The following ITGBL1 variants were observed in gnomAD, a reference collection of about 807,000 sequenced individuals.
ITGBL1 encodes integrin subunit beta like 1, also known as integrin beta-like protein 1.
In ITGBL1, 51 loss-of-function variants were observed where a neutral mutation model predicts 68.5. The observed-to-expected ratio is 0.74, with a 90% CI of 0.59 to 0.94. The LOEUF (loss-of-function observed/expected upper bound fraction) is 0.94. Among genes scored for constraint, ITGBL1 ranks in the 40% least tolerant of loss-of-function variants. The pLI is 0.00. For missense variants in ITGBL1, 649 were observed against 647.4 expected (o/e 1.00, Z -0.03); for synonymous variants, 209 against 227.3 (o/e 0.92, Z 0.72).
At chr13:101,675,362 CA>C (rs1327645925) in intron 7 of ITGBL1, among the ~76,000 whole-genome samples, 2 of 151,894 alleles carry the variant, frequency 1.3e-5, no homozygotes, top group Non-Finnish European at 2.9e-5. Context: ...CAAAGACTGT[CA>C]AAAAAATTAT....
chr13:101,665,808 A>G (rs928791327), intron 7 of ITGBL1, among the ~76,000 whole-genome samples: 2 of 152,186 alleles, frequency 1.3e-5, no homozygotes, highest in Admixed American at 6.5e-5. Context: ...TTGCCTAATA[A>G]CAAGAACTAT....
chr13:101,576,600 A>G (rs910501129), intron 4 of ITGBL1, among the ~76,000 whole-genome samples: 12 of 152,154 alleles, frequency 7.9e-5, no homozygotes, highest in African/African-American at 2.7e-4. Flanking sequence ...ACTAGGGCCC[A>G]ATGGGGCCAC....
chr13:101,685,980 G>C (rs1375731498), intron 7 of ITGBL1, among the ~76,000 whole-genome samples: 2 of 152,108 alleles, frequency 1.3e-5, no homozygotes, highest in African/African-American at 2.4e-5. Context: ...CTGGGTTGGG[G>C]TCATTGGAGA....
intron 7 of ITGBL1, among the ~76,000 whole-genome samples, chr13:101,677,368 C>T (rs1192559937): frequency 6.6e-6 from 1 of 152,176 alleles, no homozygotes; most frequent in African/African-American, 2.4e-5. Flanking sequence ...GCTGTTCAGA[C>T]ACTGTACCAC....
chr13:101,710,110 C>T (rs185402484), intron 9 of ITGBL1, among the ~76,000 whole-genome samples: 4 of 152,176 alleles, frequency 2.6e-5, no homozygotes, highest in East Asian at 3.9e-4. Flanking sequence ...TGGGAGGTGG[C>T]GATATATTCA....
intron 7 of ITGBL1, among the ~76,000 whole-genome samples, chr13:101,660,576 C>A (rs2139477376): frequency 6.6e-6 from 1 of 152,224 alleles, no homozygotes; most frequent in South Asian, 2.1e-4. Flanking sequence ...GAATTCAGGT[C>A]CCTCTCATCT....
chr13:101,494,612 C>G (rs2048829073), intron 2 of ITGBL1, among the ~76,000 whole-genome samples: 1 of 152,024 alleles, frequency 6.6e-6, no homozygotes, highest in African/African-American at 2.4e-5. Flanking sequence ...CATATGATGG[C>G]TATAATAGCC....
chr13:101,530,329 ATATAC>A (rs1371451810), intron 2 of ITGBL1, among the ~76,000 whole-genome samples: 3 of 152,170 alleles, frequency 2.0e-5, no homozygotes, highest in East Asian at 3.9e-4. Context: ...AAAGAAAATA[ATATAC>A]TATAGTGATG....
rs114019599 is a variant in ITGBL1 at position 101,678,893 on chromosome 13, A to G, written c.1016-13692A>G. Among the ~76,000 whole-genome samples the G allele has an allele frequency of 7.0e-3, 1,057 of 150,972 alleles. 7 individuals are homozygous for G. The highest frequency in any genetic ancestry group is 0.024 in the African/African-American group (991 of 41,252). On this transcript the variant is annotated intron_variant, in intron 7 of 10. Transcript: ENST00000376180. Reference sequence around the variant, plus strand: ...TCCTTTCTCCTCCCCAAATAAACTCATCTTCAAGAAACACTTTTTTTAATT... The same window carrying G: ...TCCTTTCTCCTCCCCAAATAAACTCGTCTTCAAGAAACACTTTTTTTAATT...
chr13:101,488,200 C>T (rs1594841102), intron 2 of ITGBL1, among the ~76,000 whole-genome samples: 2 of 152,302 alleles, frequency 1.3e-5, no homozygotes, highest in South Asian at 4.1e-4. Flanking sequence ...GTATACAATT[C>T]CAAATGAGGT....
intron 7 of ITGBL1, among the ~76,000 whole-genome samples, chr13:101,632,129 TTCTC>T (rs71125012): frequency 2.1e-4 from 31 of 150,578 alleles, no homozygotes; most frequent in Admixed American, 6.6e-4. Flanking sequence ...GGATAAAATA[TTCTC>T]TCTCTCTCTC....
chr13:101,642,681 G>A (rs1300194732), intron 7 of ITGBL1, among the ~76,000 whole-genome samples: 1 of 151,016 alleles, frequency 6.6e-6, no homozygotes, highest in Non-Finnish European at 1.5e-5. Context: ...TTCTTCCAGG[G>A]TTTTTATGGT....
intron 7 of ITGBL1, among the ~76,000 whole-genome samples, chr13:101,643,632 AT>A (rs1192141107): frequency 6.6e-6 from 1 of 152,118 alleles, no homozygotes; most frequent in Admixed American, 6.5e-5. Flanking sequence ...ATTTTCTCAT[AT>A]GTAATCTTTA....
intron 2 of ITGBL1, among the ~76,000 whole-genome samples, chr13:101,492,226 A>G (rs939005043): frequency 4.6e-5 from 7 of 152,160 alleles, no homozygotes; most frequent in Non-Finnish European, 8.8e-5. Context: ...TGATTCCTCA[A>G]GGATATAGTG....
chr13:101,475,871 C>T (rs2048528943), intron 2 of ITGBL1, among the ~76,000 whole-genome samples: 1 of 152,038 alleles, frequency 6.6e-6, no homozygotes, highest in Non-Finnish European at 1.5e-5. Flanking sequence ...ATCCTTCAAA[C>T]ATAAAGAAGC....
chr13:101,587,385 T>C (rs1046056661), intron 6 of ITGBL1, among the ~76,000 whole-genome samples: 7 of 152,206 alleles, frequency 4.6e-5, no homozygotes, highest in African/African-American at 7.2e-5. Flanking sequence ...ATGACTGTTA[T>C]ACTACACACA....
rs530821105 is a variant in ITGBL1, at chr13:101,667,352, G to T, written c.1016-25233G>T. ...TGACGTTTTTGCTTGCATTGGAAGA[G>T]AAACTCTCTGCTGCAATTGTTCTTG... On this transcript the variant is annotated intron_variant, in intron 7 of 10. Transcript: ENST00000376180. 3.3e-5 allele frequency among the ~76,000 whole-genome samples: 5 copies of T among 152,126 alleles called. No individual in the cohort carries two copies. In the East Asian group the frequency reaches 9.6e-4, roughly 29 times the overall value.
chr13:101,540,163 T>C (rs935427243), intron 2 of ITGBL1, among the ~76,000 whole-genome samples: 198 of 152,292 alleles, frequency 1.3e-3, no homozygotes, highest in African/African-American at 4.5e-3. Context: ...CTAGGTTTTC[T>C]TCTAGGGTTT....
chr13:101,593,647 G>C (rs2050695448), intron 6 of ITGBL1, among the ~76,000 whole-genome samples: 1 of 151,944 alleles, frequency 6.6e-6, no homozygotes, highest in East Asian at 1.9e-4. Flanking sequence ...CATCATGTTA[G>C]GTTAAATAAG....
Sources: gnomAD v4.1 joint callset for allele counts (sites outside exome capture counted in the v4.1 genomes callset) on GRCh38, gnomAD v4.1.1 for gene constraint, MANE v1.5 for transcripts, NCBI Gene and HGNC (gene_info 2026-07-23, HGNC 2026-07-21) for gene names.